Variants in RAPGEF4 observed in about 807,000 individuals in gnomAD.
RAPGEF4 encodes the protein Rap guanine nucleotide exchange factor 4, also known as RAP guanine-nucleotide-exchange factor (GEF) 4.
In RAPGEF4, 66 loss-of-function variants were observed where a neutral mutation model predicts 147.9. The observed-to-expected ratio is 0.45, with a 90% CI of 0.37 to 0.55. The LOEUF (loss-of-function observed/expected upper bound fraction) is 0.55, where lower values mean the gene tolerates loss of function less well. RAPGEF4 is among the 20% of genes least tolerant of loss of function. The pLI is 0.00. For synonymous variants in RAPGEF4, 419 were observed against 442.7 expected (o/e 0.95, Z 0.67); for missense variants, 1,071 against 1,257.3 (o/e 0.85, Z 2.24).
At chr2:172,773,500 T>C (rs1411342360) in intron 1 of RAPGEF4, among the ~76,000 whole-genome samples, 1 of 152,144 alleles carries the variant, frequency 6.6e-6, no homozygotes, top group African/African-American at 2.4e-5. Context: ...CATTTGCAGA[T>C]GAGAAAAGAC....
At chr2:173,009,931 G>A (rs1396163835) in intron 17 of RAPGEF4, among the ~76,000 whole-genome samples, 1 of 152,156 alleles carries the variant, frequency 6.6e-6, no homozygotes, top group African/African-American at 2.4e-5. Flanking sequence ...GAAGTCATCT[G>A]ACTCTGCTGT....
Position 173,011,182 on chromosome 2 carries a change from A to G in RAPGEF4, c.1659-3282A>G, listed in dbSNP as rs973545375. 3.9e-3 allele frequency among the ~76,000 whole-genome samples: 587 copies of G among 151,850 alleles called. 4 individuals carry two copies. Among genetic ancestry groups the G allele is most frequent in the African/African-American group, 0.012 (506 of 41,392 alleles). ...TCAGCGCGCGCGCGCACACACACAC[A>G]CACACACACACACACACACACACAC... On this transcript the variant is annotated intron_variant, in intron 17 of 30. Coordinates refer to ENST00000397081, the MANE Select transcript of RAPGEF4 (RefSeq NM_007023.4).
At chr2:172,887,537 T>C (rs181862820) in intron 4 of RAPGEF4, among the ~76,000 whole-genome samples, 4 of 152,342 alleles carry the variant, frequency 2.6e-5, no homozygotes, top group Admixed American at 1.3e-4. Context: ...AAACTTTTAT[T>C]GGAACACAGC....
At chr2:172,925,030 C>G (rs1685136776) in intron 6 of RAPGEF4, among the ~76,000 whole-genome samples, 2 of 152,168 alleles carry the variant, frequency 1.3e-5, no homozygotes, top group African/African-American at 2.4e-5. Context: ...TCACTGCAAG[C>G]TCCGCAGTGG....
chr2:172,840,456 C>G (rs561562220), intron 4 of RAPGEF4, among the ~76,000 whole-genome samples: 5 of 152,310 alleles, frequency 3.3e-5, no homozygotes, highest in African/African-American at 9.6e-5. Flanking sequence ...ATTGGGTGAT[C>G]AACCACTTGT....
At chr2:172,841,703 C>T (rs1194400792) in intron 4 of RAPGEF4, among the ~76,000 whole-genome samples, 8 of 151,878 alleles carry the variant, frequency 5.3e-5, no homozygotes, top group Non-Finnish European at 8.8e-5. Flanking sequence ...ATGGTTACTG[C>T]CACTTCTCAA....
chr2:173,043,576 T>G (rs1309497480), intron 29 of RAPGEF4, among the ~76,000 whole-genome samples: 1 of 152,154 alleles, frequency 6.6e-6, no homozygotes, highest in African/African-American at 2.4e-5. Context: ...GAACTTGGAC[T>G]AGGGCACAAG....
intron 6 of RAPGEF4, among the ~76,000 whole-genome samples, chr2:172,941,010 A>T (rs1687088907): frequency 6.6e-6 from 1 of 152,182 alleles, no homozygotes; most frequent in South Asian, 2.1e-4. Flanking sequence ...ATTATTTCAA[A>T]TTCCAGTTGT....
rs1686330979 is a variant in RAPGEF4 at position 173,052,381 on chromosome 2, T to C, written c.*614T>C. On this transcript the variant is annotated 3_prime_UTR_variant, in exon 31 of 31. Coordinates refer to ENST00000397081, the MANE Select transcript of RAPGEF4 (RefSeq NM_007023.4). ...TTCTGAATGTATATAGAATAATATTTATGTTTACAATGTAACTTTTCAAAA... is the reference window on the plus strand; with the variant it reads ...TTCTGAATGTATATAGAATAATATTCATGTTTACAATGTAACTTTTCAAAA... 1 of 152,660 alleles carries C rather than the reference T, an allele frequency of 6.6e-6. No individual in the cohort carries two copies. Among genetic ancestry groups the C allele is most frequent in the South Asian group, 2.1e-4 (1 of 4,832 alleles). The allele number at this position is 152,660 out of a possible 1,614,324, so 9.5% of individuals were successfully genotyped here.
intron 1 of RAPGEF4, among the ~76,000 whole-genome samples, chr2:172,743,874 T>C (rs781083001): frequency 6.6e-6 from 1 of 152,216 alleles, no homozygotes; most frequent in African/African-American, 2.4e-5. Context: ...TTTGTCCACC[T>C]GCTGAACCCA....
At chr2:172,816,592 C>A (rs935698493) in intron 4 of RAPGEF4, among the ~76,000 whole-genome samples, 3 of 152,150 alleles carry the variant, frequency 2.0e-5, no homozygotes, top group South Asian at 4.1e-4. Context: ...AGTTCTTTCC[C>A]TTAGAGGAAA....
rs566442546 is a variant in RAPGEF4 at position 172,802,964 on chromosome 2, C to T, written c.297+5351C>T. 2.2e-4 allele frequency among the ~76,000 whole-genome samples: 34 copies of T among 152,310 alleles called. 1 individual carries two copies. The highest frequency in any genetic ancestry group is 1.2e-3 in the Admixed American group (18 of 15,302). The stretch of plus-strand genomic sequence containing the variant: ...ATGTCTCATATTCAGGTCATGCTGA[C>T]GCAAGAGGTGGAAGGCGTGTTCCCA... On this transcript the variant is annotated intron_variant, in intron 3 of 30. Transcript: ENST00000397081.
In RAPGEF4 at chr2:173,051,724, C is replaced by T. The variant is rs769321346; in HGVS notation, c.2993C>T (p.Thr998Ile). Reference protein sequence around the residue: ...RQLNVIDNQRTLSQMSHRLEP... With the variant: ...RQLNVIDNQRILSQMSHRLEP... ...TTAAATGTGATTGACAACCAGAGAACTTTATCACAGATGTCACACAGATTA... is the reference window on the plus strand; with the variant it reads ...TTAAATGTGATTGACAACCAGAGAATTTTATCACAGATGTCACACAGATTA... The change falls in exon 31 of 31, where the codon ACT becomes ATT. Residue 998 changes from threonine to isoleucine, a missense_variant. By Grantham distance (89) the Thr-to-Ile change is moderately conservative. Coordinates refer to ENST00000397081, the MANE Select transcript of RAPGEF4 (RefSeq NM_007023.4). 2.5e-6 allele frequency: 4 copies of T among 1,614,066 alleles called. No individual in the cohort carries two copies. The highest frequency in any genetic ancestry group is 1.1e-5 in the South Asian group (1 of 91,076).
intron 9 of RAPGEF4, 77 bp downstream of exon 9, chr2:172,965,760 C>T (rs1211680175): frequency 6.4e-7 from 1 of 1,568,682 alleles, no homozygotes; most frequent in African/African-American, 1.4e-5. Flanking sequence ...TTGCTGAACT[C>T]TTGAATGGGC....
At chr2:172,960,492 T>G (rs1689171309) in intron 6 of RAPGEF4, among the ~76,000 whole-genome samples, 2 of 152,192 alleles carry the variant, frequency 1.3e-5, no homozygotes, top group Admixed American at 6.5e-5. Flanking sequence ...CCTCTTCTCA[T>G]GAAGCCTACA....
chr2:172,833,245 T>C (rs1351160516), intron 4 of RAPGEF4, among the ~76,000 whole-genome samples: 1 of 139,864 alleles, frequency 7.1e-6, no homozygotes, highest in East Asian at 2.1e-4. Flanking sequence ...GCACTGAACA[T>C]GTACAGAGGT....
In RAPGEF4 at chr2:172,990,884, G is replaced by C. The variant is rs1462020896; in HGVS notation, c.1449G>C (p.Gly483=). The change falls in exon 15 of 31, where the codon GGG becomes GGC. Residue 483 remains glycine (G), a synonymous_variant. Coordinates refer to ENST00000397081, the MANE Select transcript of RAPGEF4 (RefSeq NM_007023.4). The stretch of plus-strand genomic sequence containing the variant: ...TGGTGCTGGAGAAGGTCCCAGCAGG[G>C]AACAGAGCTTCTAATCAAGGAAACT... ...DVLVLEKVPA[G]NRASNQGNSQ... is the part of the protein sequence containing the mutation. The C allele has an allele frequency of 3.7e-6, 6 of 1,613,978 alleles. No homozygotes were observed. Among genetic ancestry groups the C allele is most frequent in the Non-Finnish European group, 5.1e-6 (6 of 1,179,938 alleles).
intron 10 of RAPGEF4, among the ~76,000 whole-genome samples, chr2:172,971,146 G>A (rs1262901546): frequency 6.6e-6 from 1 of 152,326 alleles, no homozygotes; most frequent in East Asian, 1.9e-4. Context: ...AGAGAAATAT[G>A]AGTAAAAGGA....
chr2:172,792,176 CTGGGAT>C (rs1214858893), intron 1 of RAPGEF4, among the ~76,000 whole-genome samples: 1 of 152,244 alleles, frequency 6.6e-6, no homozygotes, highest in East Asian at 1.9e-4. Flanking sequence ...GCTTTACTGT[CTGGGAT>C]CCCCCAGTAG....
Sources: allele counts gnomAD v4.1 joint callset (sites outside exome capture counted in the v4.1 genomes callset), GRCh38; gene constraint gnomAD v4.1.1; transcripts MANE v1.5; gene names NCBI Gene and HGNC (gene_info 2026-07-23, HGNC 2026-07-21).